Variants in KCNQ1 observed in about 807,000 individuals in gnomAD.
The protein encoded by KCNQ1 is potassium voltage-gated channel subfamily KQT member 1.
A neutral mutation model predicts 72.4 loss-of-function variants in KCNQ1; 49 were observed. The ratio of observed to expected loss-of-function variants is 0.68; its 90% CI spans 0.54 to 0.86. The LOEUF (loss-of-function observed/expected upper bound fraction) is 0.86. KCNQ1 is among the 40% of genes least tolerant of loss of function. The pLI is 0.00. For missense variants in KCNQ1, 790 were observed against 945.1 expected (o/e 0.84, Z 2.15); for synonymous variants, 450 against 412.6 (o/e 1.09, Z -1.10).
intron 15 of KCNQ1, among the ~76,000 whole-genome samples, chr11:2,836,800 C>G (rs137925228): frequency 7.5e-4 from 114 of 152,340 alleles, no homozygotes; most frequent in Middle Eastern, 6.8e-3. Flanking sequence ...ATCAAAGTTG[C>G]TGGAAGGAGA....
At chr11:2,631,221 C>G (rs937351012) in intron 10 of KCNQ1, 2 of 398,418 alleles carry the variant, frequency 5.0e-6, no homozygotes, top group African/African-American at 4.1e-5. Flanking sequence ...CCTGTGTGAA[C>G]ATTAACTCTC....
chr11:2,536,204 G>A lies in KCNQ1; in HGVS notation c.477+8186G>A, dbSNP rs1272332830. Reference sequence around the variant, plus strand: ...CAGCAGGGGCGCTCAGCTGGGCCGCGGCTCCACGGTGTTAAGGGATTCTAG... The same window carrying A: ...CAGCAGGGGCGCTCAGCTGGGCCGCAGCTCCACGGTGTTAAGGGATTCTAG... On this transcript the variant is annotated intron_variant, in intron 2 of 15. Coordinates refer to ENST00000155840, the MANE Select transcript of KCNQ1 (RefSeq NM_000218.3). This position sits in a 1 kb window ranked among gnomAD's most constrained non-coding sequence, Gnocchi z 7.4. Among the ~76,000 whole-genome samples, 1 of 152,252 alleles carries A rather than the reference G, an allele frequency of 6.6e-6. No homozygotes were observed. Among genetic ancestry groups the A allele is most frequent in the Non-Finnish European group, 1.5e-5 (1 of 68,050 alleles).
At position 2,468,729 on chromosome 11, in the gene KCNQ1, T is replaced by A. The variant is rs1440681237; in HGVS notation, c.386+23245T>A. On this transcript the variant is annotated intron_variant, in intron 1 of 15. Transcript: ENST00000155840. The surrounding 1 kb of genome is among the most constrained non-coding windows in gnomAD (Gnocchi z 5.7). ...TATTCAGCGTCATGATTTTGAGCTGTGTGTCTGTTGTGTGTGTCGGCCTGT... is the reference window on the plus strand; with the variant it reads ...TATTCAGCGTCATGATTTTGAGCTGAGTGTCTGTTGTGTGTGTCGGCCTGT... Among the ~76,000 whole-genome samples the A allele has an allele frequency of 6.6e-6, 1 of 152,206 alleles. No homozygotes were observed. Among genetic ancestry groups the A allele is most frequent in the Non-Finnish European group, 1.5e-5 (1 of 68,030 alleles).
Position 2,654,510 on chromosome 11 carries a change from C to G in KCNQ1, c.1394-7451C>G, listed in dbSNP as rs1849807286. The G allele has an allele frequency of 2.5e-6, 1 of 398,594 alleles. No individual in the cohort carries two copies. The highest frequency in any genetic ancestry group is 4.4e-5 in the Admixed American group (1 of 22,710). The allele number at this position is 398,594 out of a possible 1,614,324, so 24.7% of individuals were successfully genotyped here. On this transcript the variant is annotated intron_variant, in intron 10 of 15. Transcript: ENST00000155840. This position sits in a 1 kb window ranked among gnomAD's most constrained non-coding sequence, Gnocchi z 6.4. ...AGGGGAGGGGGCAATCTCCGGAGCC[C>G]TGGAAAGCTTGTGGAAGAGGGCTTG...
intron 10 of KCNQ1, chr11:2,655,454 C>T (rs1439243414): frequency 5.0e-6 from 2 of 398,560 alleles, no homozygotes; most frequent in East Asian, 3.6e-5. Context: ...GCAAAGGGCA[C>T]CTGGCATTGC....
intron 11 of KCNQ1, among the ~76,000 whole-genome samples, chr11:2,737,093 C>T (rs1045449139): frequency 6.6e-6 from 1 of 152,180 alleles, no homozygotes; most frequent in Non-Finnish European, 1.5e-5. Flanking sequence ...GAGATCCCAG[C>T]GGGAAGGGGC....
At chr11:2,807,101 T>C (rs1372899856) in intron 15 of KCNQ1, among the ~76,000 whole-genome samples, 1 of 152,226 alleles carries the variant, frequency 6.6e-6, no homozygotes, top group East Asian at 1.9e-4. Flanking sequence ...AATGGGACGA[T>C]GAAGGGGCAG....
At chr11:2,504,921 C>T (rs941328440) in intron 1 of KCNQ1, among the ~76,000 whole-genome samples, 8 of 152,022 alleles carry the variant, frequency 5.3e-5, no homozygotes, top group Non-Finnish European at 7.4e-5. Context: ...TATGTACCCA[C>T]AAAAAGCAAA....
intron 11 of KCNQ1, among the ~76,000 whole-genome samples, chr11:2,738,075 C>A (rs1440832472): frequency 6.6e-6 from 1 of 152,188 alleles, no homozygotes; most frequent in African/African-American, 2.4e-5. Context: ...GGACTGCTGG[C>A]CCCAGGAGCC....
Position 2,769,091 on chromosome 11 carries a change from C to T in KCNQ1, c.1590+172C>T, listed in dbSNP as rs541314288. 3.3e-5 allele frequency among the ~76,000 whole-genome samples: 5 copies of T among 152,238 alleles called. No individual in the cohort carries two copies. The East Asian group carries it at 9.7e-4, about 30-fold the overall frequency. Reference sequence around the variant, plus strand: ...CCTGACAGTGCCTACCCCACCGAACCCCAGACAGCAGGCCCCTCAGAGGAC... The same window carrying T: ...CCTGACAGTGCCTACCCCACCGAACTCCAGACAGCAGGCCCCTCAGAGGAC... On this transcript the variant is annotated intron_variant, in intron 12 of 15. Coordinates refer to ENST00000155840, the MANE Select transcript of KCNQ1 (RefSeq NM_000218.3). The surrounding 1 kb of genome is among the most constrained non-coding windows in gnomAD (Gnocchi z 4.6).
In KCNQ1 at chr11:2,608,285, C is replaced by G. The variant is rs1299630413; in HGVS notation, c.1393+19431C>G. On this transcript the variant is annotated intron_variant, in intron 10 of 15. Transcript: ENST00000155840. This position sits in a 1 kb window ranked among gnomAD's most constrained non-coding sequence, Gnocchi z 4.6. ...AGTGTTCTCATAACTAATTCAATCT[C>G]TTTAACTTATTACAGATCCATTCAC... The G allele has an allele frequency of 5.0e-6, 2 of 397,908 alleles. No individual in the cohort carries two copies. The allele number at this position is 397,908 out of a possible 1,614,324, so 24.6% of individuals were successfully genotyped here.
At chr11:2,822,160 C>T (rs960321500) in intron 15 of KCNQ1, among the ~76,000 whole-genome samples, 2 of 152,132 alleles carry the variant, frequency 1.3e-5, no homozygotes, top group African/African-American at 2.4e-5. Context: ...TCTAGAAAAC[C>T]GGAGAAGGTG....
At chr11:2,807,797 A>G (rs1166559342) in intron 15 of KCNQ1, among the ~76,000 whole-genome samples, 2 of 149,660 alleles carry the variant, frequency 1.3e-5, no homozygotes, top group African/African-American at 4.9e-5. Context: ...TCTTTCCCCC[A>G]TCACGATACT....
rs1362203468 is a variant in KCNQ1 at position 2,457,296 on chromosome 11, G to C, written c.386+11812G>C. 1.3e-5 allele frequency among the ~76,000 whole-genome samples: 2 copies of C among 152,200 alleles called. No homozygotes were observed. The highest frequency in any genetic ancestry group is 2.9e-5 in the Non-Finnish European group (2 of 68,050). On this transcript the variant is annotated intron_variant, in intron 1 of 15. Transcript: ENST00000155840. The surrounding 1 kb of genome is among the most constrained non-coding windows in gnomAD (Gnocchi z 5.0). The stretch of plus-strand genomic sequence containing the variant: ...ATTCGATCCAGCAGTCCCGTGTGCT[G>C]AGTTTATACCCAAAGAAAAATTAGT...
At chr11:2,503,029 A>C (rs183456104) in intron 1 of KCNQ1, among the ~76,000 whole-genome samples, 348 of 152,324 alleles carry the variant, frequency 2.3e-3, no homozygotes, top group African/African-American at 7.6e-3. Context: ...TATAAAAAAA[A>C]CAAATCAAAG....
chr11:2,719,952 A>G (rs1254388989), intron 11 of KCNQ1, among the ~76,000 whole-genome samples: 1 of 152,254 alleles, frequency 6.6e-6, no homozygotes, highest in Non-Finnish European at 1.5e-5. Flanking sequence ...CGAACCACTC[A>G]AAAGACCCCA....
In KCNQ1 at chr11:2,824,503, G is replaced by C. The variant is rs558443133; in HGVS notation, c.1795-23264G>C. ...CTGAAAGGTTCTGAGGTGTCCACGT[G>C]GAGGTGTTTGCCCGGCAGTTTAGGC... is the stretch of plus-strand genomic sequence containing the variant. On this transcript the variant is annotated intron_variant, in intron 15 of 15. Transcript: ENST00000155840. The surrounding 1 kb of genome is among the most constrained non-coding windows in gnomAD (Gnocchi z 5.9). Among the ~76,000 whole-genome samples, 1 of 152,206 alleles carries C rather than the reference G, an allele frequency of 6.6e-6. No homozygotes were observed. Among genetic ancestry groups the C allele is most frequent in the Non-Finnish European group, 1.5e-5 (1 of 68,030 alleles).
In KCNQ1 at chr11:2,766,419, T is replaced by A. The variant is rs113410444; in HGVS notation, c.1515-2425T>A. Among the ~76,000 whole-genome samples, 1 of 152,214 alleles carries A rather than the reference T, an allele frequency of 6.6e-6. No individual in the cohort carries two copies. The highest frequency in any genetic ancestry group is 2.4e-5 in the African/African-American group (1 of 41,444). Reference sequence around the variant, plus strand: ...GTCTCTCAGCTCTCCTTCACGCGGCTGTTCCAGCAGGCTAGCTCAGACTTG... The same window carrying A: ...GTCTCTCAGCTCTCCTTCACGCGGCAGTTCCAGCAGGCTAGCTCAGACTTG... On this transcript the variant is annotated intron_variant, in intron 11 of 15. Coordinates refer to ENST00000155840, the MANE Select transcript of KCNQ1 (RefSeq NM_000218.3). This position sits in a 1 kb window ranked among gnomAD's most constrained non-coding sequence, Gnocchi z 4.4.
At chr11:2,797,259 A>C (rs550885329) in intron 15 of KCNQ1, among the ~76,000 whole-genome samples, 1 of 152,256 alleles carries the variant, frequency 6.6e-6, no homozygotes, top group South Asian at 2.1e-4. Context: ...CCCAGCTCCC[A>C]GCTCCCCAGA....
Sources: allele counts gnomAD v4.1 joint callset (sites outside exome capture counted in the v4.1 genomes callset), GRCh38; gene constraint gnomAD v4.1.1; non-coding constraint Gnocchi (gnomAD v3.1); transcripts MANE v1.5; gene names NCBI Gene and HGNC (gene_info 2026-07-23, HGNC 2026-07-21).